AK6: variants seen among roughly 807,000 people sequenced by gnomAD.
AK6 encodes the protein adenylate kinase isoenzyme 6.
Under a neutral mutation model 23.7 loss-of-function variants are expected in AK6, and 24 were observed. That is an observed-to-expected ratio of 1.01 (90% confidence interval 0.73 to 1.43). AK6 has a LOEUF of 1.43. Ranked by LOEUF, AK6 falls within the 40% of genes most tolerant of loss-of-function variation. The probability of loss-of-function intolerance (pLI) is 0.00; values close to 1 mark genes in which losing one functional copy is unlikely to be tolerated. For missense variants in AK6, 191 were observed against 199.1 expected, an observed-to-expected ratio of 0.96 and a Z score of 0.24; for synonymous variants, 73 against 69.8, an observed-to-expected ratio of 1.05 and a Z score of -0.23.
chr5:69,360,308 A>C (rs6450035), intron 2 of AK6, among the ~76,000 whole-genome samples: 120,635 of 152,090 alleles, frequency 0.79, 50,765 homozygotes, highest in Non-Finnish European at 0.94. Context: ...AGGGATGTGT[A>C]GGAGAAACCG....
chr5:69,369,460 GA>G lies in AK6; in HGVS notation c.28+2del. ...CCAGTCCCTCCCGGCCGCGCGCCCTGACCGGTGAGCAGGATGTTCGGAAGCA... is the reference window on the plus strand; with the variant it reads ...CCAGTCCCTCCCGGCCGCGCGCCCTGCCGGTGAGCAGGATGTTCGGAAGCA... On this transcript the variant is annotated splice_donor_variant, in intron 1 of 4. Coordinates refer to ENST00000380822, the MANE Select transcript of AK6 (RefSeq NM_016283.5). LOFTEE classifies it high-confidence loss of function. The G allele has an allele frequency of 6.2e-7, 1 of 1,610,328 alleles. No individual in the cohort carries two copies. Among genetic ancestry groups the G allele is most frequent in the Admixed American group, 1.7e-5 (1 of 59,906 alleles).
intron 4 of AK6, among the ~76,000 whole-genome samples, chr5:69,354,620 C>A (rs1762033955): frequency 6.6e-6 from 1 of 152,178 alleles, no homozygotes; most frequent in Non-Finnish European, 1.5e-5. Context: ...CGCATTAAAT[C>A]TGATGCTCTA....
intron 2 of AK6, 92 bp from the exon 3 acceptor site, chr5:69,356,045 T>A: frequency 9.3e-7 from 1 of 1,074,852 alleles, no homozygotes; most frequent in Admixed American, 2.5e-5. Flanking sequence ...AGGAAATGTA[T>A]CATCAATTAT....
At chr5:69,357,336 G>A (rs933637772) in intron 2 of AK6, among the ~76,000 whole-genome samples, 5 of 152,278 alleles carry the variant, frequency 3.3e-5, no homozygotes, top group African/African-American at 1.2e-4. Context: ...AAATTAAACT[G>A]TCTTGGTATG....
At chr5:69,357,190 A>G (rs1436530462) in intron 2 of AK6, among the ~76,000 whole-genome samples, 1 of 152,224 alleles carries the variant, frequency 6.6e-6, no homozygotes, top group Non-Finnish European at 1.5e-5. Context: ...AGGGCACAAA[A>G]GCAGTTGTAA....
chr5:69,357,818 C>T (rs189341478), intron 2 of AK6, among the ~76,000 whole-genome samples: 10 of 151,854 alleles, frequency 6.6e-5, no homozygotes, highest in Non-Finnish European at 1.3e-4. Context: ...AAATGTTGAA[C>T]AATAAGAAAA....
intron 2 of AK6, among the ~76,000 whole-genome samples, chr5:69,361,465 A>ATC (rs778949971): frequency 2.7e-5 from 4 of 150,154 alleles, no homozygotes; most frequent in Non-Finnish European, 5.9e-5. Context: ...TTGAGACGGA[A>ATC]TCTCTCTCTG....
At chr5:69,365,605 G>A (rs373908767) in intron 2 of AK6, 14 of 1,614,004 alleles carry the variant, frequency 8.7e-6, no homozygotes, top group African/African-American at 1.3e-5. Context: ...GTCACATATC[G>A]GAAGGCAAAC....
chr5:69,359,590 AGCT>A (rs1762176065), intron 2 of AK6, among the ~76,000 whole-genome samples: 1 of 152,138 alleles, frequency 6.6e-6, no homozygotes, highest in African/African-American at 2.4e-5. Flanking sequence ...AAACCTTCCC[AGCT>A]GCTGCTGTTT....
At position 69,369,461 on chromosome 5, in the gene AK6, A is replaced by G. The variant is rs140150169; in HGVS notation, c.28+2T>C. 3.0e-5 allele frequency: 49 copies of G among 1,610,080 alleles called. No homozygotes were observed. In the African/African-American group the frequency reaches 6.6e-4, roughly 22 times the overall value. ...CAGTCCCTCCCGGCCGCGCGCCCTG[A>G]CCGGTGAGCAGGATGTTCGGAAGCA... On this transcript the variant is annotated splice_donor_variant, in intron 1 of 4. Transcript: ENST00000380822. LOFTEE classifies it high-confidence loss of function.
intron 1 of AK6, among the ~76,000 whole-genome samples, chr5:69,367,454 G>A (rs1418732777): frequency 6.9e-6 from 1 of 145,886 alleles, no homozygotes; most frequent in African/African-American, 2.5e-5. Flanking sequence ...AGGATGCAGT[G>A]AGCCAAGATC....
chr5:69,361,897 A>G (rs11948887), intron 2 of AK6, among the ~76,000 whole-genome samples: 128,927 of 150,620 alleles, frequency 0.86, 56,309 homozygotes, highest in Non-Finnish European at 0.95. Context: ...ATGAGCCACC[A>G]TGCTGGGCCA....
At chr5:69,358,807 G>A (rs1762150926) in intron 2 of AK6, among the ~76,000 whole-genome samples, 1 of 152,046 alleles carries the variant, frequency 6.6e-6, no homozygotes, top group African/African-American at 2.4e-5. Flanking sequence ...AGGATCTTAA[G>A]CAAAGATCAA....
At chr5:69,356,083 C>T (rs938962295) in intron 2 of AK6, 130 bp from the exon 3 acceptor site, 36 of 723,474 alleles carry the variant, frequency 5.0e-5, no homozygotes, top group Non-Finnish European at 7.1e-5. Context: ...TGGATACTAA[C>T]AAAATAAATG....
intron 1 of AK6, 190 bp from the exon 2 acceptor site, chr5:69,366,785 T>A: frequency 1.7e-6 from 1 of 573,278 alleles, no homozygotes; most frequent in Non-Finnish European, 3.1e-6. Flanking sequence ...TGAGACAGAG[T>A]TTCACTCTTG....
Position 69,366,531 on chromosome 5 carries a change from G to A in AK6, c.93C>T (p.Tyr31=). 1 of 1,613,764 alleles carries A rather than the reference G, an allele frequency of 6.2e-7. No individual in the cohort carries two copies. The change falls in exon 2 of 5, where the codon TAC becomes TAT. Residue 31 remains tyrosine, a synonymous_variant. Coordinates refer to ENST00000380822, the MANE Select transcript of AK6 (RefSeq NM_016283.5). ...KELASKSGLK[Y]INVGDLAREE... ...CTCGAGCTAAATCACCCACATTAAT[G>A]TATTTCAGTCCTGATTTTGACGCAA...
chr5:69,354,769 G>A (rs1296967255), intron 4 of AK6, among the ~76,000 whole-genome samples: 1 of 152,166 alleles, frequency 6.6e-6, no homozygotes, highest in Admixed American at 6.5e-5. Flanking sequence ...AATATGTTAG[G>A]GGCTTGGCTG....
intron 2 of AK6, among the ~76,000 whole-genome samples, chr5:69,364,315 G>T: frequency 6.6e-6 from 1 of 151,754 alleles, no homozygotes; most frequent in South Asian, 2.1e-4. Flanking sequence ...AAACAAAGAT[G>T]CTCAAAATTA....
chr5:69,358,910 A>C (rs1343362208), intron 2 of AK6, among the ~76,000 whole-genome samples: 1 of 152,114 alleles, frequency 6.6e-6, no homozygotes, highest in Admixed American at 6.5e-5. Flanking sequence ...TTCCAGGTAC[A>C]GATATATTGC....
Sources: gnomAD v4.1 joint callset for allele counts (sites outside exome capture counted in the v4.1 genomes callset) on GRCh38, gnomAD v4.1.1 for gene constraint, MANE v1.5 for transcripts, NCBI Gene and HGNC (gene_info 2026-07-23, HGNC 2026-07-21) for gene names.